Variants in GRIA1 observed in about 807,000 individuals in gnomAD.
GRIA1 encodes the protein glutamate receptor 1.
A neutral mutation model predicts 99.2 loss-of-function variants in GRIA1; 31 were observed. The ratio of observed to expected loss-of-function variants is 0.31; its 90% CI spans 0.23 to 0.42. The LOEUF (loss-of-function observed/expected upper bound fraction) is 0.42. GRIA1 is among the 10% of genes least tolerant of loss of function. The pLI is 1.00. For missense variants in GRIA1, 782 were observed against 1,157.5 expected, an observed-to-expected ratio of 0.68 and a Z score of 4.71; for synonymous variants, 438 against 432.4, an observed-to-expected ratio of 1.01 and a Z score of -0.16.
intron 14 of GRIA1, chr5:153,795,365 G>T (rs1181726093): frequency 6.2e-6 from 4 of 649,382 alleles, no homozygotes; most frequent in East Asian, 2.9e-5. Context: ...GTATCACTTT[G>T]TCAGTGCATA....
intron 2 of GRIA1, among the ~76,000 whole-genome samples, chr5:153,539,832 A>G (rs191307260): frequency 1.1e-4 from 17 of 152,348 alleles, no homozygotes; most frequent in Admixed American, 3.9e-4. Context: ...TGTATGATAA[A>G]CTGAAGAGTA....
chr5:153,639,398 G>A (rs956379330), intron 2 of GRIA1, among the ~76,000 whole-genome samples: 3 of 152,110 alleles, frequency 2.0e-5, no homozygotes, highest in Non-Finnish European at 2.9e-5. Context: ...GTCCACATGG[G>A]CCTTCTGTTT....
chr5:153,784,935 G>GGC (rs1764878596), intron 13 of GRIA1, among the ~76,000 whole-genome samples: 1 of 152,114 alleles, frequency 6.6e-6, no homozygotes, highest in South Asian at 2.1e-4. Context: ...CAGGGTAAAT[G>GGC]AGCCTTGGTT....
intron 2 of GRIA1, among the ~76,000 whole-genome samples, chr5:153,594,061 GGC>G (rs1764215348): frequency 6.6e-6 from 1 of 152,000 alleles, no homozygotes; most frequent in Non-Finnish European, 1.5e-5. Flanking sequence ...TTTCCATTGT[GGC>G]TGATTAAAAA....
At chr5:153,785,160 T>C (rs1764893996) in intron 13 of GRIA1, among the ~76,000 whole-genome samples, 1 of 152,168 alleles carries the variant, frequency 6.6e-6, no homozygotes, top group Non-Finnish European at 1.5e-5. Flanking sequence ...TGGATCTTCT[T>C]CACAGAGGGA....
chr5:153,791,093 C>A (rs1014466259), intron 13 of GRIA1, among the ~76,000 whole-genome samples: 1 of 151,716 alleles, frequency 6.6e-6, no homozygotes, highest in East Asian at 1.9e-4. Context: ...ACCAGAATCG[C>A]CCCCGGGCCA....
In GRIA1 at chr5:153,764,560, A is replaced by G. The variant is rs1763387472; in HGVS notation, c.1950A>G (p.Ala650=). ...GGATGGTGTCTCCCATTGAGAGTGC[A>G]GAGGACCTAGCGAAGCAGACAGAAA... ...VERMVSPIES[A]EDLAKQTEIA... The change falls in exon 12 of 16, where the codon GCA becomes GCG. Residue 650 remains alanine (A), a synonymous_variant. Transcript: ENST00000285900. 6.2e-7 allele frequency: 1 copy of G among 1,613,968 alleles called. No homozygotes were observed.
rs1167715880 is a variant in GRIA1, at chr5:153,563,174, C to CAA, written c.220+69125_220+69126dup. ...TTGGCGACAGAGCGAGACTCTGTCT[C>CAA]AAAAAAAAAAAAAAAAACCTTCTTG... On this transcript the variant is annotated intron_variant, in intron 2 of 15. Transcript: ENST00000285900. Among the ~76,000 whole-genome samples the CAA allele has an allele frequency of 1.5e-4, 13 of 89,356 alleles. 1 individual carries two copies. The highest frequency in any genetic ancestry group is 6.0e-3 in the Middle Eastern group (1 of 166). The allele number at this position is 89,356 out of a possible 152,430, so 58.6% of individuals were successfully genotyped here. A position where few individuals can be genotyped will look rare whatever the true frequency, so the allele number is the denominator to read the frequency against.
At chr5:153,787,707 A>C (rs1765052338) in intron 13 of GRIA1, among the ~76,000 whole-genome samples, 1 of 152,152 alleles carries the variant, frequency 6.6e-6, no homozygotes, top group Non-Finnish European at 1.5e-5. Flanking sequence ...CTGTTTTATT[A>C]GTCAATTTAT....
At chr5:153,621,950 C>T (rs1003324198) in intron 2 of GRIA1, among the ~76,000 whole-genome samples, 35 of 152,282 alleles carry the variant, frequency 2.3e-4, no homozygotes, top group African/African-American at 8.2e-4. Context: ...ATACACCTTA[C>T]AGGATTCAAA....
intron 6 of GRIA1, among the ~76,000 whole-genome samples, chr5:153,675,795 G>A (rs1561755644): frequency 6.6e-6 from 1 of 151,978 alleles, no homozygotes; most frequent in African/African-American, 2.4e-5. Flanking sequence ...TAAGTAATGT[G>A]TAATGATTGC....
chr5:153,585,232 C>T (rs907907843), intron 2 of GRIA1, among the ~76,000 whole-genome samples: 1 of 151,262 alleles, frequency 6.6e-6, no homozygotes, highest in Non-Finnish European at 1.5e-5. Context: ...GACCTGGCCT[C>T]ACTTCCTTCC....
chr5:153,644,991 T>C (rs1754039179), intron 2 of GRIA1, among the ~76,000 whole-genome samples: 2 of 151,978 alleles, frequency 1.3e-5, no homozygotes, highest in African/African-American at 4.8e-5. Flanking sequence ...ACTTTTCCTG[T>C]GTGCAATGGG....
intron 2 of GRIA1, among the ~76,000 whole-genome samples, chr5:153,535,741 C>T (rs1758507494): frequency 1.3e-5 from 2 of 152,230 alleles, no homozygotes; most frequent in African/African-American, 4.8e-5. Flanking sequence ...TCCACCTTGT[C>T]TTACCTCTTG....
chr5:153,775,338 A>G (rs1764153190), intron 13 of GRIA1, among the ~76,000 whole-genome samples: 1 of 152,216 alleles, frequency 6.6e-6, no homozygotes, highest in Admixed American at 6.5e-5. Flanking sequence ...CGGATTTGCT[A>G]AGAGTTAGAC....
chr5:153,577,515 C>G (rs1762671763), intron 2 of GRIA1, among the ~76,000 whole-genome samples: 1 of 151,770 alleles, frequency 6.6e-6, no homozygotes, highest in Non-Finnish European at 1.5e-5. Context: ...TTTGGAGTTC[C>G]TCCTTTAGTT....
At chr5:153,526,514 T>C (rs1425845495) in intron 2 of GRIA1, among the ~76,000 whole-genome samples, 1 of 152,214 alleles carries the variant, frequency 6.6e-6, no homozygotes, top group African/African-American at 2.4e-5. Context: ...ATTAACAACC[T>C]GTATCAGTCC....
chr5:153,755,923 T>C (rs532098348), intron 11 of GRIA1, among the ~76,000 whole-genome samples: 73 of 152,366 alleles, frequency 4.8e-4, no homozygotes, highest in African/African-American at 1.6e-3. Flanking sequence ...TGTAAACAAC[T>C]TTGTTCCTCA....
At chr5:153,615,397 A>G (rs1056682047) in intron 2 of GRIA1, among the ~76,000 whole-genome samples, 5 of 152,158 alleles carry the variant, frequency 3.3e-5, no homozygotes, top group African/African-American at 1.2e-4. Context: ...ACCCCAACAC[A>G]TTGGGAGTCT....
Sources: allele counts gnomAD v4.1 joint callset (sites outside exome capture counted in the v4.1 genomes callset), GRCh38; gene constraint gnomAD v4.1.1; transcripts MANE v1.5; gene names NCBI Gene and HGNC (gene_info 2026-07-23, HGNC 2026-07-21).